Variants in DNM3 observed in about 807,000 individuals in gnomAD.
The protein encoded by DNM3 is dynamin 3.
Under a neutral mutation model 101.6 loss-of-function variants are expected in DNM3, and 47 were observed. The ratio of observed to expected loss-of-function variants is 0.46; its 90% confidence interval spans 0.37 to 0.59. The LOEUF (loss-of-function observed/expected upper bound fraction) is 0.59. Ranked by LOEUF, DNM3 falls within the 20% of genes least tolerant of loss-of-function variation. The pLI is 0.00. For missense variants in DNM3, 849 were observed against 1,085.7 expected, an observed-to-expected ratio of 0.78 and a Z score of 3.06; for synonymous variants, 385 against 387.9, an observed-to-expected ratio of 0.99 and a Z score of 0.09.
chr1:171,890,904 G>A (rs1462165405), intron 1 of DNM3, among the ~76,000 whole-genome samples: 1 of 152,152 alleles, frequency 6.6e-6, no homozygotes, highest in Non-Finnish European at 1.5e-5. Context: ...CTGGCCTCAA[G>A]TAATCCTCCC....
rs1376747756 is a variant in DNM3, at chr1:172,412,078, T to C, written c.*4237T>C. 1.0e-6 allele frequency: 1 copy of C among 985,568 alleles called. No individual in the cohort carries two copies. Among genetic ancestry groups the C allele is most frequent in the Non-Finnish European group, 1.2e-6 (1 of 829,856 alleles). The allele number at this position is 985,568 out of a possible 1,614,324, so 61.1% of individuals were successfully genotyped here. On this transcript the variant is annotated 3_prime_UTR_variant, in exon 21 of 21. Coordinates refer to ENST00000627582, the MANE Select transcript of DNM3 (RefSeq NM_015569.5). Reference sequence around the variant, plus strand: ...GTGTGTCTTTGTATATATGTAAGAATGTGTGTATGTGTGAGAGCAAGAGAG... The same window carrying C: ...GTGTGTCTTTGTATATATGTAAGAACGTGTGTATGTGTGAGAGCAAGAGAG...
At chr1:172,015,009 T>A (rs2047359311) in intron 4 of DNM3, among the ~76,000 whole-genome samples, 1 of 144,296 alleles carries the variant, frequency 6.9e-6, no homozygotes, top group Non-Finnish European at 1.5e-5. Flanking sequence ...GGTGTCCAGT[T>A]TTTTCAGCAA....
At chr1:172,238,731 A>G (rs2061634697) in intron 14 of DNM3, among the ~76,000 whole-genome samples, 1 of 152,078 alleles carries the variant, frequency 6.6e-6, no homozygotes, top group Admixed American at 6.6e-5. Context: ...GGAGAAACCT[A>G]GAAACTAGGC....
intron 13 of DNM3, among the ~76,000 whole-genome samples, chr1:172,122,984 C>A (rs1390576013): frequency 1.3e-5 from 2 of 151,908 alleles, no homozygotes; most frequent in Admixed American, 6.6e-5. Context: ...TGCTTGGCAC[C>A]GAGTAATATT....
chr1:172,407,074 C>T (rs913484875), intron 20 of DNM3, among the ~76,000 whole-genome samples: 5 of 151,940 alleles, frequency 3.3e-5, no homozygotes, highest in African/African-American at 1.2e-4. Flanking sequence ...AGTAATATTT[C>T]ATTATCTAAA....
intron 14 of DNM3, among the ~76,000 whole-genome samples, chr1:172,217,326 G>C (rs186375015): frequency 6.6e-6 from 1 of 152,104 alleles, no homozygotes; most frequent in Non-Finnish European, 1.5e-5. Flanking sequence ...GCTACTTTCA[G>C]AGATCCAAAA....
chr1:171,885,603 G>A lies in DNM3; in HGVS notation c.162-36145G>A, dbSNP rs576770742. On this transcript the variant is annotated intron_variant, in intron 1 of 20. Coordinates refer to ENST00000627582, the MANE Select transcript of DNM3 (RefSeq NM_015569.5). ...TTAGAGGGCCTTGCTGTTTTTTCTG[G>A]CGTTGCCTATCCCCATCTTGCTAGT... Among the ~76,000 whole-genome samples, 36 of 152,180 alleles carry A rather than the reference G, an allele frequency of 2.4e-4. No individual in the cohort carries two copies. The South Asian group carries it at 7.3e-3, about 31-fold the overall frequency.
At chr1:172,073,032 C>T (rs954494918) in intron 11 of DNM3, among the ~76,000 whole-genome samples, 5 of 152,034 alleles carry the variant, frequency 3.3e-5, no homozygotes, top group African/African-American at 9.7e-5. Context: ...ACAAGATAAA[C>T]ATAATCCTAG....
At chr1:172,284,886 A>G (rs543691067) in intron 15 of DNM3, among the ~76,000 whole-genome samples, 4 of 152,338 alleles carry the variant, frequency 2.6e-5, no homozygotes, top group South Asian at 2.1e-4. Flanking sequence ...CAATGGATGT[A>G]TAAGTAAGGC....
intron 14 of DNM3, among the ~76,000 whole-genome samples, chr1:172,159,555 G>C (rs1039379487): frequency 5.9e-5 from 9 of 152,076 alleles, no homozygotes; most frequent in Non-Finnish European, 8.8e-5. Context: ...TTAAGAAGTA[G>C]ATGATGTGAC....
intron 15 of DNM3, among the ~76,000 whole-genome samples, chr1:172,259,316 A>G (rs893085242): frequency 2.0e-5 from 3 of 152,074 alleles, no homozygotes; most frequent in Non-Finnish European, 4.4e-5. Context: ...TTTTCAGTCT[A>G]GATGATCTGT....
At chr1:171,889,328 A>C (rs1324497722) in intron 1 of DNM3, among the ~76,000 whole-genome samples, 1 of 152,200 alleles carries the variant, frequency 6.6e-6, no homozygotes, top group East Asian at 1.9e-4. Flanking sequence ...ATTTATTAAA[A>C]ATAAAACAAA....
At position 172,185,355 on chromosome 1, in the gene DNM3, G is replaced by A. The variant is rs900165650; in HGVS notation, c.1659+54067G>A. Among the ~76,000 whole-genome samples the A allele has an allele frequency of 3.9e-5, 6 of 152,220 alleles. No homozygotes were observed. The South Asian group carries it at 1.2e-3, about 32-fold the overall frequency. On this transcript the variant is annotated intron_variant, in intron 14 of 20. Coordinates refer to ENST00000627582, the MANE Select transcript of DNM3 (RefSeq NM_015569.5). ...GTAGAATTGGAATGCAGAGAAAAAG[G>A]GGTGAGCACAAGACAAAGGGAAGTG... is the stretch of plus-strand genomic sequence containing the variant.
intron 13 of DNM3, among the ~76,000 whole-genome samples, chr1:172,117,065 C>T (rs1025760062): frequency 6.6e-6 from 1 of 151,986 alleles, no homozygotes; most frequent in Admixed American, 6.6e-5. Flanking sequence ...ATTAGCCAGG[C>T]ATGGTGGTGC....
At chr1:171,975,212 G>A (rs776732861) in intron 2 of DNM3, among the ~76,000 whole-genome samples, 1 of 152,100 alleles carries the variant, frequency 6.6e-6, no homozygotes, top group South Asian at 2.1e-4. Context: ...TCTATTGCCT[G>A]AGTCATAGAA....
chr1:172,389,306 T>C (rs2069385305), intron 20 of DNM3: 3 of 157,886 alleles, frequency 1.9e-5, no homozygotes, highest in Non-Finnish European at 4.2e-5. Context: ...ATCTGGCTGA[T>C]TGATCTGCAA....
In DNM3 at chr1:172,042,122, G is replaced by A. The variant is rs748395660; in HGVS notation, c.1106G>A (p.Arg369His). The A allele has an allele frequency of 2.5e-6, 4 of 1,605,994 alleles. No homozygotes were observed. Among genetic ancestry groups the A allele is most frequent in the Non-Finnish European group, 2.5e-6 (3 of 1,177,768 alleles). ...GAKINRIFHE[R>H]FPFEIVKMEF... ...AAAATCAATCGTATTTTTCATGAAC[G>A]CTTTCCTTTTGAGATAGTAAAGGTT... is the stretch of plus-strand genomic sequence containing the variant. The change falls in exon 8 of 21, where the codon CGC (arginine) becomes CAC (histidine). Residue 369 changes from arginine (R) to histidine (H), a missense_variant. Physicochemically the swap from Arg to His is conservative, Grantham distance 29. Transcript: ENST00000627582.
chr1:172,221,800 G>A (rs952183062), intron 14 of DNM3, among the ~76,000 whole-genome samples: 2 of 151,928 alleles, frequency 1.3e-5, no homozygotes, highest in African/African-American at 4.8e-5. Flanking sequence ...TCCTCTTTCT[G>A]TGATTTATTT....
intron 10 of DNM3, among the ~76,000 whole-genome samples, chr1:172,065,764 T>C (rs1272258001): frequency 6.6e-6 from 1 of 152,204 alleles, no homozygotes; most frequent in African/African-American, 2.4e-5. Flanking sequence ...TCTATGGTTT[T>C]ATGATGTTAT....
Sources: gnomAD v4.1 joint callset for allele counts (sites outside exome capture counted in the v4.1 genomes callset) on GRCh38, gnomAD v4.1.1 for gene constraint, MANE v1.5 for transcripts, NCBI Gene and HGNC (gene_info 2026-07-23, HGNC 2026-07-21) for gene names.